The following SRD5A2 variants were observed in gnomAD, a reference collection of about 807,000 sequenced individuals.
The protein encoded by SRD5A2 is 3-oxo-5-alpha-steroid 4-dehydrogenase 2.
A neutral mutation model predicts 27.4 loss-of-function variants in SRD5A2; 30 were observed. The observed-to-expected ratio is 1.10, with a 90% CI of 0.82 to 1.49. The LOEUF is 1.49. Among genes scored for constraint, SRD5A2 ranks in the 40% most tolerant of loss-of-function variants. SRD5A2 has a pLI of 0.00. For synonymous variants in SRD5A2, 141 were observed against 133.6 expected (o/e 1.06, Z -0.38); for missense variants, 348 against 323.4 (o/e 1.08, Z -0.58).
the SRD5A2 span, among the ~76,000 whole-genome samples, chr2:31,636,921 G>C: frequency 1.0e-3 from 157 of 152,042 alleles, no homozygotes; most frequent in African/African-American, 3.5e-3. Context: ...AGGGATATTG[G>C]CCTCTATTTT....
At chr2:31,526,357 C>T in intron 4 of SRD5A2, 95 bp from the exon 5 acceptor site, 1 of 809,738 alleles carries the variant, frequency 1.2e-6, no homozygotes, top group African/African-American at 1.7e-5. Flanking sequence ...AGTCAACCTA[C>T]AGTTATTTTG....
chr2:31,641,425 A>G, the SRD5A2 span, among the ~76,000 whole-genome samples: 1 of 152,308 alleles, frequency 6.6e-6, no homozygotes, highest in South Asian at 2.1e-4. Flanking sequence ...ATAATTTTTC[A>G]TGCTTTCAAA....
At chr2:31,528,931 G>C (rs1311355563) in intron 4 of SRD5A2, among the ~76,000 whole-genome samples, 2 of 152,180 alleles carry the variant, frequency 1.3e-5, no homozygotes, top group African/African-American at 4.8e-5. Flanking sequence ...CTTTATCTAA[G>C]CATCTCCAGG....
chr2:31,555,141 AAC>A (rs1666468711), intron 1 of SRD5A2, among the ~76,000 whole-genome samples: 1 of 148,550 alleles, frequency 6.7e-6, no homozygotes, highest in Non-Finnish European at 1.5e-5. Flanking sequence ...AATTGTGACC[AAC>A]ACACACAACT....
At chr2:31,551,350 A>G (rs1045267161) in intron 1 of SRD5A2, among the ~76,000 whole-genome samples, 2 of 152,160 alleles carry the variant, frequency 1.3e-5, no homozygotes, top group African/African-American at 4.8e-5. Context: ...TCTAAAATGT[A>G]CACATGCTCC....
chr2:31,635,140 A>G, the SRD5A2 span, among the ~76,000 whole-genome samples: 53 of 152,268 alleles, frequency 3.5e-4, no homozygotes, highest in African/African-American at 9.9e-4. Context: ...ACCAATTTAC[A>G]TTCCCACCAA....
At chr2:31,560,426 A>G (rs1362032642) in intron 1 of SRD5A2, among the ~76,000 whole-genome samples, 1 of 152,154 alleles carries the variant, frequency 6.6e-6, no homozygotes, top group African/African-American at 2.4e-5. Flanking sequence ...GAACTTCTCC[A>G]GCACTTTTTG....
the SRD5A2 span, among the ~76,000 whole-genome samples, chr2:31,586,394 A>G: frequency 6.6e-6 from 1 of 152,214 alleles, no homozygotes; most frequent in Non-Finnish European, 1.5e-5. Context: ...TAGAGCCCCA[A>G]GGCCTTGAGC....
intron 1 of SRD5A2, among the ~76,000 whole-genome samples, chr2:31,544,793 C>A (rs1051490159): frequency 6.6e-6 from 1 of 151,574 alleles, no homozygotes; most frequent in Non-Finnish European, 1.5e-5. Context: ...TTAAAAATGA[C>A]AATTCTACAC....
the SRD5A2 span, among the ~76,000 whole-genome samples, chr2:31,590,473 AG>A: frequency 2.0e-5 from 3 of 152,318 alleles, no homozygotes; most frequent in African/African-American, 7.2e-5. Context: ...ATGGGTAGGA[AG>A]AATCAGTATC....
chr2:31,546,326 A>C (rs1666254788), intron 1 of SRD5A2, among the ~76,000 whole-genome samples: 1 of 152,208 alleles, frequency 6.6e-6, no homozygotes, highest in Admixed American at 6.5e-5. Context: ...TATAGTAATC[A>C]AAGCAATATA....
intron 1 of SRD5A2, among the ~76,000 whole-genome samples, chr2:31,569,721 A>T (rs774582471): frequency 2.4e-4 from 37 of 151,914 alleles, no homozygotes; most frequent in Admixed American, 5.9e-4. Flanking sequence ...TCAAACTTGG[A>T]AACCTACTTT....
chr2:31,621,053 C>A, the SRD5A2 span, among the ~76,000 whole-genome samples: 1 of 150,278 alleles, frequency 6.7e-6, no homozygotes, highest in East Asian at 2.0e-4. Flanking sequence ...TATTTTGAGA[C>A]CATCACAGAT....
At chr2:31,529,993 CAG>C (rs1425243764) in intron 3 of SRD5A2, among the ~76,000 whole-genome samples, 2 of 152,156 alleles carry the variant, frequency 1.3e-5, no homozygotes, top group Non-Finnish European at 1.5e-5. Flanking sequence ...ATGTTTAAAG[CAG>C]AGAGTAGGAG....
At chr2:31,599,356 T>C in the SRD5A2 span, among the ~76,000 whole-genome samples, 2 of 152,130 alleles carry the variant, frequency 1.3e-5, no homozygotes, top group Admixed American at 6.6e-5. Context: ...CTACAGAATA[T>C]ACTTTATTTT....
chr2:31,614,480 G>A, the SRD5A2 span, among the ~76,000 whole-genome samples: 1 of 152,196 alleles, frequency 6.6e-6, no homozygotes, highest in African/African-American at 2.4e-5. Flanking sequence ...TGCTTTCACA[G>A]GCTGGCATTG....
At chr2:31,650,021 T>A in the SRD5A2 span, among the ~76,000 whole-genome samples, 2 of 152,102 alleles carry the variant, frequency 1.3e-5, no homozygotes, top group Admixed American at 1.3e-4. Context: ...ACATTATCAG[T>A]ACCCAAAACT....
intron 1 of SRD5A2, among the ~76,000 whole-genome samples, chr2:31,566,841 A>G (rs1666738354): frequency 6.6e-6 from 1 of 152,208 alleles, no homozygotes; most frequent in Admixed American, 6.5e-5. Context: ...ATAAGGTATA[A>G]TAGGAGTTAA....
At chr2:31,642,131 G>T in the SRD5A2 span, among the ~76,000 whole-genome samples, 1 of 152,018 alleles carries the variant, frequency 6.6e-6, no homozygotes, top group Non-Finnish European at 1.5e-5. Context: ...AGGCTTAAAG[G>T]TAATTCAGTT....
Sources: allele counts gnomAD v4.1 joint callset (sites outside exome capture counted in the v4.1 genomes callset), GRCh38; gene constraint gnomAD v4.1.1; transcripts MANE v1.5; gene names NCBI Gene and HGNC (gene_info 2026-07-23, HGNC 2026-07-21).